The following LGR6 variants were observed in gnomAD, a reference collection of about 807,000 sequenced individuals.
LGR6 encodes leucine-rich repeat-containing G protein-coupled receptor 6.
A neutral mutation model predicts 69.4 loss-of-function variants in LGR6; 45 were observed. The ratio of observed to expected loss-of-function variants is 0.65; its 90% CI spans 0.51 to 0.83. LGR6 has a LOEUF of 0.83. Ranked by LOEUF, LGR6 falls within the 40% of genes least tolerant of loss-of-function variation. The pLI is 0.00. For missense variants in LGR6, 1,108 were observed against 1,246.7 expected, an observed-to-expected ratio of 0.89 and a Z score of 1.68; for synonymous variants, 538 against 555.0, an observed-to-expected ratio of 0.97 and a Z score of 0.43.
At chr1:202,205,728 TCAAACA>T (rs1659188392) in intron 1 of LGR6, among the ~76,000 whole-genome samples, 1 of 114,156 alleles carries the variant, frequency 8.8e-6, no homozygotes, top group African/African-American at 3.5e-5. Context: ...CACACCTTCT[TCAAACA>T]CACACACACA....
At chr1:202,214,084 G>C (rs1476984842) in intron 1 of LGR6, 21 of 1,378,338 alleles carry the variant, frequency 1.5e-5, no homozygotes, top group East Asian at 3.1e-5. Context: ...GCGGCAGAAC[G>C]AGAGAGGATC....
intron 9 of LGR6, among the ~76,000 whole-genome samples, chr1:202,301,830 A>G (rs1332335827): frequency 6.6e-6 from 1 of 152,152 alleles, no homozygotes; most frequent in African/African-American, 2.4e-5. Flanking sequence ...CAGCCTGGCC[A>G]ACATGGTAAA....
intron 1 of LGR6, among the ~76,000 whole-genome samples, chr1:202,218,258 A>C (rs945694748): frequency 6.6e-6 from 1 of 151,910 alleles, no homozygotes; most frequent in Non-Finnish European, 1.5e-5. Flanking sequence ...AGCGCCTGCT[A>C]TTCAGGGGGT....
At chr1:202,248,401 A>T (rs1662935152) in intron 4 of LGR6, among the ~76,000 whole-genome samples, 1 of 152,182 alleles carries the variant, frequency 6.6e-6, no homozygotes, top group Non-Finnish European at 1.5e-5. Context: ...CTCTGTGACC[A>T]CTGCAACCAG....
At chr1:202,194,695 T>G in intron 1 of LGR6, 1 of 164,758 alleles carries the variant, frequency 6.1e-6, no homozygotes, top group Non-Finnish European at 1.3e-5. Context: ...CTGGGTGGCC[T>G]TCGTGGGGGC....
chr1:202,304,514 A>C (rs1220437153), intron 10 of LGR6, 45 bp from the exon 11 acceptor site: 1 of 1,458,294 alleles, frequency 6.9e-7, no homozygotes, highest in Non-Finnish European at 9.5e-7. Context: ...TGGGAATGGC[A>C]GGGCCCTGGG....
In LGR6 at chr1:202,238,443, CAG is replaced by C. The variant is rs1361314068; in HGVS notation, c.428+2453_428+2454del. On this transcript the variant is annotated intron_variant, in intron 4 of 17. Coordinates refer to ENST00000367278, the MANE Select transcript of LGR6 (RefSeq NM_001017403.2). Reference sequence around the variant, plus strand: ...TTTTTTTTTTTTTTTTTTTTTAAGACAGAGTTTTTTTGCTCTGTCGCCCAGGC... The same window carrying C: ...TTTTTTTTTTTTTTTTTTTTTAAGACAGTTTTTTTGCTCTGTCGCCCAGGC... Among the ~76,000 whole-genome samples the C allele has an allele frequency of 6.7e-5, 5 of 74,542 alleles. No individual in the cohort carries two copies. The East Asian group carries it at 1.7e-3, about 25-fold the overall frequency. The allele number at this position is 74,542 out of a possible 152,430, so 48.9% of individuals were successfully genotyped here. A position where few individuals can be genotyped will look rare whatever the true frequency, so the allele number is the denominator to read the frequency against.
At chr1:202,316,338 C>G (rs1654141925) in intron 17 of LGR6, among the ~76,000 whole-genome samples, 2 of 152,114 alleles carry the variant, frequency 1.3e-5, no homozygotes, top group South Asian at 4.1e-4. Context: ...GAAAGAGAAG[C>G]CAGACTCCCT....
chr1:202,250,227 G>A (rs1236079304), intron 4 of LGR6, among the ~76,000 whole-genome samples: 1 of 152,036 alleles, frequency 6.6e-6, no homozygotes, highest in Non-Finnish European at 1.5e-5. Context: ...GTCTCCTCCT[G>A]AAGGAGGCCT....
At chr1:202,226,908 G>C (rs1037277561) in intron 2 of LGR6, among the ~76,000 whole-genome samples, 2 of 152,198 alleles carry the variant, frequency 1.3e-5, no homozygotes, top group Non-Finnish European at 2.9e-5. Flanking sequence ...ACCCAGCTTA[G>C]ATGGGAATGC....
At chr1:202,316,338 CCAGACTCCCTTTAA>C (rs1422543011) in intron 17 of LGR6, among the ~76,000 whole-genome samples, 1 of 152,114 alleles carries the variant, frequency 6.6e-6, no homozygotes, top group Admixed American at 6.5e-5. Context: ...GAAAGAGAAG[CCAGACTCCCTTTAA>C]CAACCCACTC....
Position 202,305,753 on chromosome 1 carries a change from A to C in LGR6, c.1136+4A>C. 1 of 1,613,982 alleles carries C rather than the reference A, an allele frequency of 6.2e-7. No individual in the cohort carries two copies. The highest frequency in any genetic ancestry group is 1.1e-5 in the South Asian group (1 of 91,070). ...GGTGTCAGAAATTGGAGGAAATGTGAGTCTGGGGTAGGGAAGAGGCAAAAG... is the reference window on the plus strand; with the variant it reads ...GGTGTCAGAAATTGGAGGAAATGTGCGTCTGGGGTAGGGAAGAGGCAAAAG... On this transcript the variant is annotated splice_donor_region_variant and intron_variant, in intron 12 of 17. Coordinates refer to ENST00000367278, the MANE Select transcript of LGR6 (RefSeq NM_001017403.2).
intron 4 of LGR6, among the ~76,000 whole-genome samples, chr1:202,271,592 A>T (rs1297697733): frequency 6.6e-6 from 1 of 152,030 alleles, no homozygotes; most frequent in Non-Finnish European, 1.5e-5. Flanking sequence ...GGATCACCTG[A>T]GGTCAGGAGT....
At chr1:202,230,095 T>C (rs928508861) in intron 3 of LGR6, among the ~76,000 whole-genome samples, 1 of 152,130 alleles carries the variant, frequency 6.6e-6, no homozygotes, top group African/African-American at 2.4e-5. Flanking sequence ...GGGACCCTTA[T>C]CTGAGTGGCC....
At chr1:202,281,794 A>C in intron 6 of LGR6, among the ~76,000 whole-genome samples, 2 of 140,386 alleles carry the variant, frequency 1.4e-5, no homozygotes, top group Non-Finnish European at 3.1e-5. Flanking sequence ...CTTATTCTCC[A>C]CCCCCTCCCA....
chr1:202,239,399 C>T (rs1046271288), intron 4 of LGR6, among the ~76,000 whole-genome samples: 10 of 141,268 alleles, frequency 7.1e-5, no homozygotes, highest in Non-Finnish European at 1.4e-4. Flanking sequence ...TGTTGGGGGA[C>T]TGGTGGGAAG....
chr1:202,230,100 G>A (rs1165976751), intron 3 of LGR6, among the ~76,000 whole-genome samples: 2 of 152,038 alleles, frequency 1.3e-5, no homozygotes, highest in Non-Finnish European at 2.9e-5. Context: ...CCTTATCTGA[G>A]TGGCCTCTTC....
rs1558004670 is a variant in LGR6 at position 202,205,159 on chromosome 1, CCTA to C, written c.212+10959_212+10961del. Among the ~76,000 whole-genome samples the C allele has an allele frequency of 9.5e-4, 88 of 93,080 alleles. 4 individuals carry two copies. Among genetic ancestry groups the C allele is most frequent in the Admixed American group, 1.1e-3 (8 of 7,242 alleles). 61.1% of individuals were successfully genotyped at this position (93,080 alleles called of 152,430 possible). A position where few individuals can be genotyped will look rare whatever the true frequency, so the allele number is the denominator to read the frequency against. ...AAACACACACACACCTCCACACACA[CCTA>C]ACACACACTTCCTTCAAACACACAC... is the stretch of plus-strand genomic sequence containing the variant. On this transcript the variant is annotated intron_variant, in intron 1 of 17. Transcript: ENST00000367278.
chr1:202,210,558 T>C (rs907447194), intron 1 of LGR6: 1 of 151,822 alleles, frequency 6.6e-6, no homozygotes, highest in African/African-American at 2.4e-5. Flanking sequence ...GAGCCCGAGG[T>C]GTGGCTTCCA....
Sources: allele counts gnomAD v4.1 joint callset (sites outside exome capture counted in the v4.1 genomes callset), GRCh38; gene constraint gnomAD v4.1.1; transcripts MANE v1.5; gene names NCBI Gene and HGNC (gene_info 2026-07-23, HGNC 2026-07-21).